KLHL1: variants seen among roughly 807,000 people sequenced by gnomAD.
KLHL1 encodes kelch-like protein 1.
In KLHL1, 47 loss-of-function variants were observed where a neutral mutation model predicts 77.7. The ratio of observed to expected loss-of-function variants is 0.60; its 90% CI spans 0.48 to 0.77. The LOEUF is 0.77. Ranked by LOEUF, KLHL1 falls within the 30% of genes least tolerant of loss-of-function variation. The probability of loss-of-function intolerance (pLI) is 0.00; values close to 1 mark genes in which losing one functional copy is unlikely to be tolerated. For synonymous variants in KLHL1, 360 were observed against 325.2 expected (o/e 1.11, Z -1.15); for missense variants, 925 against 910.8 (o/e 1.02, Z -0.20).
rs1219807857 is a variant in KLHL1 at position 69,940,354 on chromosome 13, A to G, written c.818-118T>C. The G allele has an allele frequency of 9.1e-6, 6 of 658,678 alleles. No homozygotes were observed. In the African/African-American group the frequency reaches 9.4e-5, roughly 10 times the overall value. 40.8% of individuals were successfully genotyped at this position (658,678 alleles called of 1,614,324 possible). On this transcript the variant is annotated intron_variant, in intron 3 of 10. Coordinates refer to ENST00000377844, the MANE Select transcript of KLHL1 (RefSeq NM_020866.3). Reference sequence around the variant, plus strand: ...GAACAGATCTAAACTGAGATTGGTAATCAAGATAAATATAACTCGGTAAAG... The same window carrying G: ...GAACAGATCTAAACTGAGATTGGTAGTCAAGATAAATATAACTCGGTAAAG...
At chr13:69,805,328 C>T (rs1247668904) in intron 6 of KLHL1, among the ~76,000 whole-genome samples, 1 of 151,636 alleles carries the variant, frequency 6.6e-6, no homozygotes, top group African/African-American at 2.4e-5. Flanking sequence ...TTTGAAAATC[C>T]AGCATTTTGC....
intron 7 of KLHL1, among the ~76,000 whole-genome samples, chr13:69,765,081 A>G (rs2137971756): frequency 6.6e-6 from 1 of 151,114 alleles, no homozygotes; most frequent in African/African-American, 2.4e-5. Flanking sequence ...ACTCCTGAGT[A>G]CCTGGGATTG....
chr13:69,889,942 A>C (rs971683846), intron 4 of KLHL1, among the ~76,000 whole-genome samples: 1 of 151,990 alleles, frequency 6.6e-6, no homozygotes, highest in Non-Finnish European at 1.5e-5. Context: ...GGCTACATTA[A>C]CATTACTTTA....
intron 1 of KLHL1, among the ~76,000 whole-genome samples, chr13:70,099,583 G>A (rs1307133211): frequency 1.3e-5 from 2 of 151,748 alleles, no homozygotes; most frequent in Non-Finnish European, 2.9e-5. Context: ...TATGATTCAA[G>A]GCAAGTGAGA....
intron 7 of KLHL1, among the ~76,000 whole-genome samples, chr13:69,775,140 A>T (rs533841544): frequency 6.6e-6 from 1 of 152,294 alleles, no homozygotes; most frequent in South Asian, 2.1e-4. Flanking sequence ...TAGATAAGAC[A>T]CTACTACAGG....
At chr13:69,883,838 G>A (rs73212531) in intron 4 of KLHL1, among the ~76,000 whole-genome samples, 9,360 of 152,250 alleles carry the variant, frequency 0.061, 378 homozygotes, top group Middle Eastern at 0.1. Flanking sequence ...GTTTAGAGAA[G>A]ACAGAGATTC....
intron 7 of KLHL1, among the ~76,000 whole-genome samples, chr13:69,780,757 T>TATATATATACATATATATATAC (rs1555267704): frequency 1.6e-5 from 2 of 128,136 alleles, no homozygotes; most frequent in African/African-American, 6.2e-5. Context: ...TATATATATA[T>TATATATATACATATATATATAC]ACACACACAT....
intron 3 of KLHL1, among the ~76,000 whole-genome samples, chr13:69,942,155 G>A (rs1345273632): frequency 6.7e-6 from 1 of 148,720 alleles, no homozygotes; most frequent in African/African-American, 2.6e-5. Flanking sequence ...AGCTTGAATT[G>A]TTTCATTTAT....
chr13:70,099,675 A>G (rs1887877172), intron 1 of KLHL1, among the ~76,000 whole-genome samples: 1 of 151,912 alleles, frequency 6.6e-6, no homozygotes, highest in African/African-American at 2.4e-5. Flanking sequence ...AAAGAAATAC[A>G]CCATACAATA....
chr13:69,892,377 A>T (rs1289107368), intron 4 of KLHL1, among the ~76,000 whole-genome samples: 2 of 152,178 alleles, frequency 1.3e-5, no homozygotes, highest in Non-Finnish European at 2.9e-5. Flanking sequence ...TTCTGAAATG[A>T]TTTCCAGTGC....
At chr13:69,742,270 T>C (rs560650246) in intron 7 of KLHL1, among the ~76,000 whole-genome samples, 117 of 152,336 alleles carry the variant, frequency 7.7e-4, no homozygotes, top group African/African-American at 2.8e-3. Context: ...CTTTTAAGCA[T>C]GACTGCATTT....
chr13:69,917,739 GT>G (rs1324919196), intron 4 of KLHL1, among the ~76,000 whole-genome samples: 1 of 151,484 alleles, frequency 6.6e-6, no homozygotes, highest in African/African-American at 2.4e-5. Context: ...TCTTTGCAAG[GT>G]TTTTTTTGGT....
At chr13:69,971,756 T>G (rs2137286072) in intron 2 of KLHL1, among the ~76,000 whole-genome samples, 1 of 152,152 alleles carries the variant, frequency 6.6e-6, no homozygotes, top group African/African-American at 2.4e-5. Context: ...TATCTTATGG[T>G]TTATCTTTAA....
intron 3 of KLHL1, among the ~76,000 whole-genome samples, chr13:69,955,320 G>A (rs1381602334): frequency 6.6e-6 from 1 of 151,300 alleles, no homozygotes; most frequent in Non-Finnish European, 1.5e-5. Flanking sequence ...GTAAGCAGAA[G>A]CTATCTTAAC....
intron 2 of KLHL1, among the ~76,000 whole-genome samples, chr13:69,969,056 AT>A (rs34106617): frequency 0.61 from 92,952 of 151,670 alleles, 28,555 homozygotes; most frequent in South Asian, 0.65. Flanking sequence ...TTTTTAGGAG[AT>A]TTTTTTTCAT....
At chr13:69,960,650 A>G (rs1309540408) in intron 3 of KLHL1, among the ~76,000 whole-genome samples, 3 of 152,098 alleles carry the variant, frequency 2.0e-5, no homozygotes, top group African/African-American at 7.2e-5. Context: ...GGCAATACAC[A>G]GATTTATTAG....
At chr13:69,737,777 T>A (rs1039899506) in intron 8 of KLHL1, among the ~76,000 whole-genome samples, 9 of 152,176 alleles carry the variant, frequency 5.9e-5, no homozygotes, top group Non-Finnish European at 1.2e-4. Context: ...GCAGCTGTAG[T>A]ATCACGCATC....
At chr13:70,092,394 C>T (rs1271552609) in intron 1 of KLHL1, among the ~76,000 whole-genome samples, 1 of 152,080 alleles carries the variant, frequency 6.6e-6, no homozygotes, top group Admixed American at 6.6e-5. Context: ...TGATTCACTA[C>T]TCTATGTGTT....
chr13:69,946,522 T>C (rs1437305139), intron 3 of KLHL1, among the ~76,000 whole-genome samples: 1 of 152,110 alleles, frequency 6.6e-6, no homozygotes, highest in African/African-American at 2.4e-5. Context: ...TCTCCTTTTT[T>C]TTCTTTTTGA....
Sources: allele counts gnomAD v4.1 joint callset (sites outside exome capture counted in the v4.1 genomes callset), GRCh38; gene constraint gnomAD v4.1.1; transcripts MANE v1.5; gene names NCBI Gene and HGNC (gene_info 2026-07-23, HGNC 2026-07-21).